PARD3: variants seen among roughly 807,000 people sequenced by gnomAD.
PARD3 encodes partitioning defective 3 homolog.
Under a neutral mutation model 155.4 loss-of-function variants are expected in PARD3, and 75 were observed. That is an observed-to-expected ratio of 0.48 (90% CI 0.40 to 0.58). PARD3 has a LOEUF of 0.58. Among genes scored for constraint, PARD3 ranks in the 20% least tolerant of loss-of-function variants. The probability of loss-of-function intolerance (pLI) is 0.00; values close to 1 mark genes in which losing one functional copy is unlikely to be tolerated. For synonymous variants in PARD3, 576 were observed against 610.5 expected (o/e 0.94, Z 0.83); for missense variants, 1,642 against 1,721.7 (o/e 0.95, Z 0.82).
intron 5 of PARD3, among the ~76,000 whole-genome samples, chr10:34,443,689 C>T (rs781432182): frequency 1.6e-4 from 24 of 152,094 alleles, no homozygotes; most frequent in African/African-American, 5.1e-4. Flanking sequence ...TCCCACAATA[C>T]GTGGAAATTG....
intron 5 of PARD3, among the ~76,000 whole-genome samples, chr10:34,418,730 G>A (rs1021228903): frequency 4.6e-5 from 7 of 152,076 alleles, no homozygotes; most frequent in Admixed American, 3.9e-4. Flanking sequence ...TCCATTTTCA[G>A]AGGGCAAGTA....
intron 24 of PARD3, among the ~76,000 whole-genome samples, 178 bp downstream of exon 24, chr10:34,119,435 G>C (rs972070745): frequency 1.3e-5 from 2 of 152,160 alleles, no homozygotes; most frequent in Non-Finnish European, 2.9e-5. Flanking sequence ...CCCTGGCCTC[G>C]CAGTACGACA....
At chr10:34,714,223 CAAAG>C (rs1458543616) in intron 1 of PARD3, among the ~76,000 whole-genome samples, 1 of 152,146 alleles carries the variant, frequency 6.6e-6, no homozygotes, top group South Asian at 2.1e-4. Flanking sequence ...TGATTTTTCA[CAAAG>C]AAAGGCTCCC....
intron 1 of PARD3, among the ~76,000 whole-genome samples, chr10:34,787,022 C>T (rs1231001044): frequency 6.6e-6 from 1 of 152,174 alleles, no homozygotes. Flanking sequence ...ACTGCTAGAT[C>T]TTTTACATCT....
intron 1 of PARD3, among the ~76,000 whole-genome samples, chr10:34,725,103 CTTTGTGTGTG>C (rs1459352149): frequency 6.4e-5 from 7 of 109,500 alleles, no homozygotes; most frequent in African/African-American, 2.6e-4. Flanking sequence ...TGAGTCAAAA[CTTTGTGTGTG>C]TGTGTGTGTG....
At chr10:34,391,308 A>G (rs1421537598) in intron 7 of PARD3, among the ~76,000 whole-genome samples, 1 of 152,142 alleles carries the variant, frequency 6.6e-6, no homozygotes, top group Non-Finnish European at 1.5e-5. Flanking sequence ...AGCCCAATAT[A>G]CAGAGAAAGG....
intron 1 of PARD3, among the ~76,000 whole-genome samples, chr10:34,778,253 T>C (rs768727074): frequency 6.6e-6 from 1 of 152,170 alleles, no homozygotes; most frequent in Non-Finnish European, 1.5e-5. Context: ...CAGGTATTCA[T>C]CTGTAAATGG....
intron 12 of PARD3, among the ~76,000 whole-genome samples, chr10:34,367,589 A>G (rs556584798): frequency 5.9e-5 from 9 of 152,232 alleles, no homozygotes; most frequent in African/African-American, 1.9e-4. Context: ...CTGTAATCCC[A>G]GCTACTCGGG....
chr10:34,635,607 G>A (rs1427529527), intron 2 of PARD3, among the ~76,000 whole-genome samples: 1 of 152,186 alleles, frequency 6.6e-6, no homozygotes, highest in African/African-American at 2.4e-5. Context: ...AACCAAGTCT[G>A]CTAAATGGTC....
chr10:34,502,269 C>G (rs927438872), intron 3 of PARD3, among the ~76,000 whole-genome samples: 1 of 151,922 alleles, frequency 6.6e-6, no homozygotes. Context: ...AAGGTCAGAA[C>G]GGAAGAGTCA....
At chr10:34,308,179 C>T (rs1018176000) in intron 20 of PARD3, among the ~76,000 whole-genome samples, 5 of 152,180 alleles carry the variant, frequency 3.3e-5, no homozygotes, top group Non-Finnish European at 2.9e-5. Context: ...GGGTGGGGGA[C>T]CAAGTTCTGT....
At chr10:34,113,429 G>T (rs1946494299) in intron 24 of PARD3, among the ~76,000 whole-genome samples, 2 of 152,014 alleles carry the variant, frequency 1.3e-5, no homozygotes, top group South Asian at 2.1e-4. Context: ...AATCAGTATA[G>T]AGAGAAGGAA....
chr10:34,648,165 A>G (rs936070467), intron 2 of PARD3, among the ~76,000 whole-genome samples: 1 of 152,220 alleles, frequency 6.6e-6, no homozygotes, highest in South Asian at 2.1e-4. Flanking sequence ...CTTAAAATGC[A>G]TATGTGAACC....
intron 5 of PARD3, among the ~76,000 whole-genome samples, chr10:34,413,806 T>C (rs1252281824): frequency 1.3e-5 from 2 of 152,202 alleles, no homozygotes; most frequent in Non-Finnish European, 2.9e-5. Flanking sequence ...CTATAAACGT[T>C]CTTTAGAGTA....
rs760519297 is a variant in PARD3 at position 34,399,382 on chromosome 10, C to T, written c.838G>A (p.Asp280Asn). Residue 280 changes from aspartate (D) to asparagine (N), a missense_variant, in exon 7 of 25, where the codon GAT (aspartate) becomes AAT (asparagine). Transcript: ENST00000374788. The stretch of plus-strand genomic sequence containing the variant: ...ACGTGGATTCCCAGAGGCCCTCCAT[C>T]GTTGGGGACTTCTACGAGCTTTACC... ...DMVKLVEVPN[D>N]GGPLGIHVVP... The T allele has an allele frequency of 2.2e-5, 36 of 1,611,774 alleles. No individual in the cohort carries two copies. Among genetic ancestry groups the T allele is most frequent in the Non-Finnish European group, 2.7e-5 (32 of 1,177,920 alleles).
intron 14 of PARD3, among the ~76,000 whole-genome samples, chr10:34,356,779 T>C (rs940556441): frequency 6.6e-6 from 1 of 152,234 alleles, no homozygotes. Context: ...GGAAGCTGAA[T>C]TGAGATCTTC....
At chr10:34,254,856 C>T (rs1954571700) in intron 22 of PARD3, among the ~76,000 whole-genome samples, 1 of 152,094 alleles carries the variant, frequency 6.6e-6, no homozygotes, top group Non-Finnish European at 1.5e-5. Flanking sequence ...TAATCAGTCA[C>T]AAAGGCTGCC....
At chr10:34,435,724 A>G (rs1419357789) in intron 5 of PARD3, among the ~76,000 whole-genome samples, 2 of 152,246 alleles carry the variant, frequency 1.3e-5, no homozygotes, top group East Asian at 3.8e-4. Context: ...ATCATATAAC[A>G]TACAGTCTAA....
At chr10:34,404,548 TTAAAC>T (rs898911292) in intron 5 of PARD3, among the ~76,000 whole-genome samples, 3 of 152,030 alleles carry the variant, frequency 2.0e-5, no homozygotes, top group African/African-American at 7.2e-5. Flanking sequence ...TAGTATCAAT[TTAAAC>T]TAAACTGTGC....
Sources: gnomAD v4.1 joint callset for allele counts (sites outside exome capture counted in the v4.1 genomes callset) on GRCh38, gnomAD v4.1.1 for gene constraint, MANE v1.5 for transcripts, NCBI Gene and HGNC (gene_info 2026-07-23, HGNC 2026-07-21) for gene names.